The following HOOK3 variants were observed in gnomAD, a reference collection of about 807,000 sequenced individuals.
HOOK3 encodes the protein hook microtubule tethering protein 3.
Under a neutral mutation model 116.3 loss-of-function variants are expected in HOOK3, and 24 were observed. The observed-to-expected ratio is 0.21, with a 90% CI of 0.15 to 0.29. The LOEUF (loss-of-function observed/expected upper bound fraction) is 0.29. HOOK3 is among the 10% of genes least tolerant of loss of function. The pLI, the probability that HOOK3 is intolerant of heterozygous loss-of-function variation, is 1.00. For missense variants in HOOK3, 632 were observed against 830.2 expected, an observed-to-expected ratio of 0.76 and a Z score of 2.93; for synonymous variants, 275 against 283.0, an observed-to-expected ratio of 0.97 and a Z score of 0.28.
At chr8:42,963,933 C>T (rs907952525) in intron 8 of HOOK3, among the ~76,000 whole-genome samples, 1 of 152,138 alleles carries the variant, frequency 6.6e-6, no homozygotes, top group Non-Finnish European at 1.5e-5. Context: ...AATGGCCGGG[C>T]GCAGTGGCTC....
intron 13 of HOOK3, among the ~76,000 whole-genome samples, chr8:42,981,550 A>G (rs953051710): frequency 6.6e-6 from 1 of 152,214 alleles, no homozygotes; most frequent in African/African-American, 2.4e-5. Flanking sequence ...GCAATACAGG[A>G]ATAGTATTCT....
chr8:42,942,300 A>C (rs1808142772), intron 4 of HOOK3, among the ~76,000 whole-genome samples: 1 of 152,200 alleles, frequency 6.6e-6, no homozygotes, highest in Non-Finnish European at 1.5e-5. Context: ...GCTCCTCCAA[A>C]ACCCCTATTA....
chr8:42,987,076 C>T (rs528936390), intron 15 of HOOK3, among the ~76,000 whole-genome samples: 2 of 152,110 alleles, frequency 1.3e-5, no homozygotes, highest in Admixed American at 6.6e-5. Flanking sequence ...GTAGAAGGAT[C>T]ATTTGAGCCC....
intron 7 of HOOK3, among the ~76,000 whole-genome samples, chr8:42,958,202 A>AT (rs1808470538): frequency 6.6e-6 from 1 of 152,176 alleles, no homozygotes; most frequent in Admixed American, 6.5e-5. Flanking sequence ...TGTACATCTC[A>AT]TGCAATACAT....
At chr8:42,910,368 T>G (rs144022825) in intron 2 of HOOK3, among the ~76,000 whole-genome samples, 9 of 152,238 alleles carry the variant, frequency 5.9e-5, no homozygotes, top group African/African-American at 1.9e-4. Context: ...TTTTTTTTCC[T>G]TTTGTTGAGA....
chr8:43,011,238 C>T (rs1202003572), intron 19 of HOOK3, among the ~76,000 whole-genome samples: 2 of 152,020 alleles, frequency 1.3e-5, no homozygotes, highest in Non-Finnish European at 2.9e-5. Context: ...CGTGATCCGC[C>T]CGCCTCGGCC....
intron 21 of HOOK3, 105 bp downstream of exon 21, chr8:43,013,505 T>A: frequency 1.1e-6 from 1 of 921,884 alleles, no homozygotes. Context: ...AATCTGAAAG[T>A]AACTGCTATC....
rs746603682 is a variant in HOOK3, at chr8:42,943,426, G to A, written c.381G>A (p.Val127=). The A allele has an allele frequency of 2.7e-6, 4 of 1,492,118 alleles. No homozygotes were observed. Among genetic ancestry groups the A allele is most frequent in the Non-Finnish European group, 3.6e-6 (4 of 1,117,012 alleles). 92.4% of individuals were successfully genotyped at this position (1,492,118 alleles called of 1,614,324 possible). ...TTCAGCTCATCTTAGGCTGTGCTGT[G>A]AACTGTGAACAGAAGCAAGGTAATT... ...RMLQLILGCA[V]NCEQKQEYIQ... is the part of the protein sequence containing the mutation. Residue 127 remains valine (V), a synonymous_variant, in exon 5 of 22, where the codon GTG becomes GTA. Transcript: ENST00000307602.
intron 3 of HOOK3, among the ~76,000 whole-genome samples, chr8:42,926,556 A>G (rs1807769635): frequency 6.6e-6 from 1 of 152,170 alleles, no homozygotes; most frequent in African/African-American, 2.4e-5. Flanking sequence ...AAAGTGCTGG[A>G]ATTACAAGCA....
intron 15 of HOOK3, among the ~76,000 whole-genome samples, chr8:42,995,431 A>G (rs1389765842): frequency 6.6e-6 from 1 of 152,018 alleles, no homozygotes; most frequent in South Asian, 2.1e-4. Flanking sequence ...CCCTTCTTCA[A>G]ATTTTTTATT....
intron 2 of HOOK3, among the ~76,000 whole-genome samples, chr8:42,916,781 C>G (rs998012355): frequency 6.6e-6 from 1 of 152,194 alleles, no homozygotes; most frequent in Middle Eastern, 3.2e-3. Flanking sequence ...CTCCCCACCC[C>G]CCTTTTCTGA....
intron 11 of HOOK3, among the ~76,000 whole-genome samples, chr8:42,970,395 G>C (rs1409320410): frequency 1.3e-5 from 2 of 152,154 alleles, no homozygotes; most frequent in Non-Finnish European, 2.9e-5. Flanking sequence ...AAAAGTGTCT[G>C]TTCTCAGCCC....
rs758522063 is a variant in HOOK3, at chr8:42,906,169, T to G, written c.58-4T>G. ...CTCCCCCCCCCCTCTTTTTTTCCCT[T>G]CAGATCCAGACATTTAATGTGGATG... On this transcript the variant is annotated splice_region_variant and splice_polypyrimidine_tract_variant and intron_variant, in intron 1 of 21. Coordinates refer to ENST00000307602, the MANE Select transcript of HOOK3 (RefSeq NM_032410.4). 43 of 734,868 alleles carry G rather than the reference T, an allele frequency of 5.9e-5. No homozygotes were observed. Among genetic ancestry groups the G allele is most frequent in the Admixed American group, 1.0e-4 (5 of 50,014 alleles). 45.5% of individuals were successfully genotyped at this position (734,868 alleles called of 1,614,324 possible).
intron 14 of HOOK3, among the ~76,000 whole-genome samples, chr8:42,984,382 A>AT (rs1309872873): frequency 1.3e-5 from 2 of 151,952 alleles, no homozygotes; most frequent in African/African-American, 4.8e-5. Context: ...AAAAAAAAAA[A>AT]TAAGAAGTAC....
rs1029813485 is a variant in HOOK3, at chr8:43,026,333, T to G, written c.*7835T>G. 19 of 193,364 alleles carry G rather than the reference T, an allele frequency of 9.8e-5. No individual in the cohort carries two copies. The highest frequency in any genetic ancestry group is 9.6e-4 in the South Asian group (5 of 5,198). 12.0% of individuals were successfully genotyped at this position (193,364 alleles called of 1,614,324 possible). On this transcript the variant is annotated 3_prime_UTR_variant, in exon 22 of 22. Transcript: ENST00000307602. ...TAGTCATTTATGTAGTATATTTTAC[T>G]GCAAAATTTGTAGCACTTTACTAAT...
Position 42,964,369 on chromosome 8 carries a change from A to C in HOOK3, c.674A>C (p.Glu225Ala). The part of the protein sequence containing the change: ...SLLAENQVLM[E>A]RLNQSDSIED... Reference sequence around the variant, plus strand: ...TTGGCAGAGAATCAGGTATTAATGGAAAGACTCAATCAATCTGATTCTATA... The same window carrying C: ...TTGGCAGAGAATCAGGTATTAATGGCAAGACTCAATCAATCTGATTCTATA... Residue 225 changes from glutamate to alanine, a missense_variant, in exon 9 of 22, where the codon GAA (glutamate) becomes GCA (alanine). Transcript: ENST00000307602. The C allele has an allele frequency of 6.2e-7, 1 of 1,614,102 alleles. No individual in the cohort carries two copies.
In HOOK3 at chr8:43,022,192, A is replaced by G; in HGVS notation, c.*3694A>G. 4.8e-6 allele frequency: 1 copy of G among 209,426 alleles called. No individual in the cohort carries two copies. The highest frequency in any genetic ancestry group is 9.7e-6 in the Non-Finnish European group (1 of 103,020). The allele number at this position is 209,426 out of a possible 1,614,324, so 13.0% of individuals were successfully genotyped here. A position where few individuals can be genotyped will look rare whatever the true frequency, so the allele number is the denominator to read the frequency against. The stretch of plus-strand genomic sequence containing the variant: ...CTCCATGTCCGGTGTCCAGCTTTGG[A>G]CAGGGTTTATGACGTTTCTGTTTCT... On this transcript the variant is annotated 3_prime_UTR_variant, in exon 22 of 22. Transcript: ENST00000307602.
intron 4 of HOOK3, among the ~76,000 whole-genome samples, chr8:42,932,184 GA>G (rs1563294149): frequency 6.6e-6 from 1 of 152,000 alleles, no homozygotes; most frequent in Non-Finnish European, 1.5e-5. Flanking sequence ...TAATTTCCAA[GA>G]AAAACATGAT....
intron 5 of HOOK3, among the ~76,000 whole-genome samples, chr8:42,944,813 T>C (rs1808195393): frequency 1.3e-5 from 2 of 152,116 alleles, no homozygotes; most frequent in South Asian, 2.1e-4. Flanking sequence ...ATCAAGACTT[T>C]TTCTCAGAAA....
Sources: gnomAD v4.1 joint callset for allele counts (sites outside exome capture counted in the v4.1 genomes callset) on GRCh38, gnomAD v4.1.1 for gene constraint, MANE v1.5 for transcripts, NCBI Gene and HGNC (gene_info 2026-07-23, HGNC 2026-07-21) for gene names.